ELMO1: variants seen among roughly 807,000 people sequenced by gnomAD.
ELMO1 encodes engulfment and cell motility protein 1.
ELMO1 carries 26 observed loss-of-function variants against 98.9 expected under a neutral mutation model. That is an observed-to-expected ratio of 0.26 (90% CI 0.19 to 0.36). The LOEUF (loss-of-function observed/expected upper bound fraction) is 0.36, where lower values mean the gene tolerates loss of function less well. Among genes scored for constraint, ELMO1 ranks in the 10% least tolerant of loss-of-function variants. The pLI is 1.00. For synonymous variants in ELMO1, 346 were observed against 346.0 expected (o/e 1.00, Z 0.00); for missense variants, 627 against 935.2 (o/e 0.67, Z 4.30).
chr7:37,091,176 C>T (rs952833662), intron 15 of ELMO1, among the ~76,000 whole-genome samples: 2 of 152,128 alleles, frequency 1.3e-5, no homozygotes, highest in Non-Finnish European at 2.9e-5. Context: ...GGGGCAATAT[C>T]GACTCACTGC....
chr7:37,066,429 G>T (rs894799381), intron 15 of ELMO1, among the ~76,000 whole-genome samples: 21 of 152,270 alleles, frequency 1.4e-4, no homozygotes, highest in Middle Eastern at 3.4e-3. Context: ...ACAGATGCAG[G>T]CCCTTTCCTG....
intron 16 of ELMO1, among the ~76,000 whole-genome samples, chr7:36,955,271 A>G (rs1205623619): frequency 6.6e-6 from 1 of 152,132 alleles, no homozygotes; most frequent in Non-Finnish European, 1.5e-5. Flanking sequence ...CTTCTACACT[A>G]CATTTTCTCT....
chr7:36,973,831 C>A (rs993935969), intron 16 of ELMO1, among the ~76,000 whole-genome samples: 16 of 152,374 alleles, frequency 1.1e-4, no homozygotes, highest in African/African-American at 3.8e-4. Flanking sequence ...GCGGCCCGCA[C>A]TCGGAGCAGC....
chr7:37,267,954 T>C (rs1796348441), intron 5 of ELMO1, among the ~76,000 whole-genome samples: 1 of 152,236 alleles, frequency 6.6e-6, no homozygotes, highest in Non-Finnish European at 1.5e-5. Context: ...GGTAGTCAAA[T>C]TTATTGATCT....
chr7:37,271,262 C>CT (rs1324949865), intron 5 of ELMO1: 1 of 152,744 alleles, frequency 6.5e-6, no homozygotes, highest in African/African-American at 2.4e-5. Context: ...AGGAAAGTAA[C>CT]CGACTTTAAA....
intron 13 of ELMO1, among the ~76,000 whole-genome samples, chr7:37,154,623 G>C (rs533261279): frequency 1.4e-4 from 21 of 152,064 alleles, no homozygotes; most frequent in African/African-American, 4.8e-4. Flanking sequence ...AGAAAAGAGT[G>C]AAAAGAAACT....
chr7:36,901,637 C>G (rs1470166103), intron 16 of ELMO1, among the ~76,000 whole-genome samples: 1 of 152,170 alleles, frequency 6.6e-6, no homozygotes, highest in African/African-American at 2.4e-5. Context: ...AAGTCTGGTT[C>G]TGTCACTTAC....
At chr7:37,165,348 C>T (rs1403527721) in intron 13 of ELMO1, among the ~76,000 whole-genome samples, 2 of 151,444 alleles carry the variant, frequency 1.3e-5, no homozygotes, top group Non-Finnish European at 3.0e-5. Flanking sequence ...TGCCTGATTG[C>T]CCTGGCCAGA....
chr7:37,441,094 T>C (rs1453177565), intron 1 of ELMO1, among the ~76,000 whole-genome samples: 6 of 151,190 alleles, frequency 4.0e-5, no homozygotes, highest in African/African-American at 9.7e-5. Flanking sequence ...GCTCTGCCAC[T>C]GAACCCCACA....
intron 13 of ELMO1, among the ~76,000 whole-genome samples, chr7:37,161,933 T>TATATATATATATATATATATATATATA (rs1554429665): frequency 3.4e-5 from 4 of 117,250 alleles, no homozygotes; most frequent in Non-Finnish European, 7.3e-5. Flanking sequence ...TATATATATA[T>TATATATATATATATATATATATATATA]ATGTTAAGCG....
chr7:37,126,546 G>A (rs535127782), intron 14 of ELMO1, among the ~76,000 whole-genome samples: 1 of 152,080 alleles, frequency 6.6e-6, no homozygotes, highest in East Asian at 1.9e-4. Context: ...ATATTTACCT[G>A]CTCAATATAT....
At chr7:37,019,700 A>G (rs1159568577) in intron 15 of ELMO1, among the ~76,000 whole-genome samples, 3 of 152,258 alleles carry the variant, frequency 2.0e-5, no homozygotes, top group African/African-American at 7.2e-5. Flanking sequence ...TGAAATTTAG[A>G]GAGACACTTT....
intron 13 of ELMO1, among the ~76,000 whole-genome samples, chr7:37,191,536 A>C (rs1791576525): frequency 6.6e-6 from 1 of 152,232 alleles, no homozygotes; most frequent in Non-Finnish European, 1.5e-5. Flanking sequence ...AGTTACTCAC[A>C]TATGTTCATG....
At chr7:37,330,396 ACT>A (rs1157548104) in intron 2 of ELMO1, among the ~76,000 whole-genome samples, 2 of 151,572 alleles carry the variant, frequency 1.3e-5, no homozygotes, top group Non-Finnish European at 2.9e-5. Context: ...CTCTAGAGTT[ACT>A]CTGTGTTTTA....
chr7:37,424,226 C>T (rs1804612587), intron 1 of ELMO1, among the ~76,000 whole-genome samples: 3 of 152,218 alleles, frequency 2.0e-5, no homozygotes, highest in Admixed American at 6.5e-5. Context: ...ATCTTCTTTA[C>T]CTTTTCCTGC....
In ELMO1 at chr7:37,265,244, T is replaced by A. The variant is rs79177505; in HGVS notation, c.244-5894A>T. Reference sequence around the variant, plus strand: ...CGGGGACCCTGTTTCCTATCAGAAGTCAGCTCTTCCCCTCAGCTCTGGATC... The same window carrying A: ...CGGGGACCCTGTTTCCTATCAGAAGACAGCTCTTCCCCTCAGCTCTGGATC... On this transcript the variant is annotated intron_variant, in intron 5 of 21. Coordinates refer to ENST00000310758, the MANE Select transcript of ELMO1 (RefSeq NM_014800.11). 5.5e-3 allele frequency among the ~76,000 whole-genome samples: 844 copies of A among 152,236 alleles called. 7 individuals carry two copies. Among genetic ancestry groups the A allele is most frequent in the African/African-American group, 0.02 (815 of 41,530 alleles).
At chr7:36,869,978 T>C (rs1164965482) in intron 20 of ELMO1, among the ~76,000 whole-genome samples, 1 of 152,106 alleles carries the variant, frequency 6.6e-6, no homozygotes, top group Non-Finnish European at 1.5e-5. Context: ...CCGGGGAGGA[T>C]ATTAAGAGCA....
At chr7:37,328,028 C>T (rs2131179465) in intron 2 of ELMO1, among the ~76,000 whole-genome samples, 1 of 152,230 alleles carries the variant, frequency 6.6e-6, no homozygotes, top group Middle Eastern at 3.4e-3. Context: ...ATACTCCCTA[C>T]CAGATGATAT....
intron 15 of ELMO1, among the ~76,000 whole-genome samples, chr7:37,076,478 T>C (rs2129230270): frequency 6.6e-6 from 1 of 152,324 alleles, no homozygotes; most frequent in South Asian, 2.1e-4. Flanking sequence ...TGACCAGTGT[T>C]TTAAGGGAAA....
Sources: allele counts gnomAD v4.1 joint callset (sites outside exome capture counted in the v4.1 genomes callset), GRCh38; gene constraint gnomAD v4.1.1; transcripts MANE v1.5; gene names NCBI Gene and HGNC (gene_info 2026-07-23, HGNC 2026-07-21).